The following CDH18 variants were observed in gnomAD, a reference collection of about 807,000 sequenced individuals.
CDH18 encodes cadherin-18.
CDH18 carries 31 observed loss-of-function variants against 67.9 expected under a neutral mutation model. That is an observed-to-expected ratio of 0.46 (90% CI 0.34 to 0.62). CDH18 has a LOEUF of 0.62. Ranked by LOEUF, CDH18 falls within the 20% of genes least tolerant of loss-of-function variation. The probability of loss-of-function intolerance (pLI) is 0.01; values close to 1 mark genes in which losing one functional copy is unlikely to be tolerated. For missense variants in CDH18, 890 were observed against 975.5 expected (o/e 0.91, Z 1.17); for synonymous variants, 362 against 347.2 (o/e 1.04, Z -0.48).
chr5:20,227,324 G>C (rs1741711849), intron 2 of CDH18, among the ~76,000 whole-genome samples: 1 of 152,052 alleles, frequency 6.6e-6, no homozygotes, highest in South Asian at 2.1e-4. Context: ...TTTTCCCAGA[G>C]AGCTTCCTGT....
intron 1 of CDH18, among the ~76,000 whole-genome samples, chr5:20,315,007 T>G (rs578091526): frequency 5.9e-4 from 89 of 152,124 alleles, no homozygotes; most frequent in Non-Finnish European, 1.1e-3. Context: ...TGTTTACTAA[T>G]TTGACAGTAG....
At chr5:20,211,645 C>T (rs750994440) in intron 2 of CDH18, among the ~76,000 whole-genome samples, 1 of 152,162 alleles carries the variant, frequency 6.6e-6, no homozygotes, top group Non-Finnish European at 1.5e-5. Context: ...TGGAGTGGAC[C>T]TCCAGCAAAC....
At position 19,930,495 on chromosome 5, in the gene CDH18, A is replaced by C. The variant is rs538872179; in HGVS notation, c.-257+50565T>G. 3.9e-5 allele frequency among the ~76,000 whole-genome samples: 6 copies of C among 152,222 alleles called. No individual in the cohort carries two copies. The South Asian group carries it at 1.2e-3, about 32-fold the overall frequency. On this transcript the variant is annotated intron_variant, in intron 2 of 12. Transcript: ENST00000382275. ...ATGGAAGTGTGAAAAACAACAGAGAAGGCTCTCCTATATTTTCCACAGTAG... is the reference window on the plus strand; with the variant it reads ...ATGGAAGTGTGAAAAACAACAGAGACGGCTCTCCTATATTTTCCACAGTAG...
chr5:19,973,769 T>A (rs1299419287), intron 2 of CDH18, among the ~76,000 whole-genome samples: 1 of 152,112 alleles, frequency 6.6e-6, no homozygotes, highest in South Asian at 2.1e-4. Flanking sequence ...AGTATAAAAC[T>A]GTCACTTAAT....
intron 1 of CDH18, among the ~76,000 whole-genome samples, chr5:20,282,686 C>T (rs4132019): frequency 0.46 from 69,601 of 151,752 alleles, 16,101 homozygotes; most frequent in African/African-American, 0.51. Flanking sequence ...TCTTTTTTTG[C>T]TGTGTCTCTG....
intron 3 of CDH18, among the ~76,000 whole-genome samples, chr5:19,752,367 G>T (rs1770962220): frequency 6.6e-6 from 1 of 152,034 alleles, no homozygotes; most frequent in African/African-American, 2.4e-5. Context: ...CCAGCCCTTT[G>T]GATTGTGTGG....
At chr5:20,457,911 G>T (rs1750957188) in intron 1 of CDH18, among the ~76,000 whole-genome samples, 1 of 152,036 alleles carries the variant, frequency 6.6e-6, no homozygotes, top group Non-Finnish European at 1.5e-5. Flanking sequence ...AGGAATATTT[G>T]GATACTGGTA....
chr5:19,616,598 G>C (rs114487486), intron 5 of CDH18, among the ~76,000 whole-genome samples: 2 of 152,058 alleles, frequency 1.3e-5, no homozygotes, highest in African/African-American at 4.8e-5. Flanking sequence ...CAATTATCCT[G>C]AAGTTTCCTC....
chr5:19,722,500 C>T (rs908417469), intron 4 of CDH18, among the ~76,000 whole-genome samples: 1 of 149,634 alleles, frequency 6.7e-6, no homozygotes, highest in Non-Finnish European at 1.5e-5. Flanking sequence ...ATTATTGAAT[C>T]TAGTATGATC....
At chr5:19,703,520 T>G (rs1438055121) in intron 5 of CDH18, among the ~76,000 whole-genome samples, 1 of 152,042 alleles carries the variant, frequency 6.6e-6, no homozygotes, top group Non-Finnish European at 1.5e-5. Flanking sequence ...ACCCCCTCAT[T>G]ATTTTGAAGA....
intron 2 of CDH18, among the ~76,000 whole-genome samples, chr5:19,905,286 C>G (rs954860617): frequency 2.6e-5 from 4 of 152,044 alleles, no homozygotes; most frequent in African/African-American, 9.7e-5. Context: ...GGTTTTGTAT[C>G]CTAACCACAT....
At chr5:20,022,996 A>G (rs1018775798) in intron 2 of CDH18, among the ~76,000 whole-genome samples, 1 of 152,140 alleles carries the variant, frequency 6.6e-6, no homozygotes, top group Non-Finnish European at 1.5e-5. Flanking sequence ...TCTTTTTCAC[A>G]ATCTACCTTA....
chr5:19,873,125 G>A (rs1786510273), intron 2 of CDH18, among the ~76,000 whole-genome samples: 1 of 151,954 alleles, frequency 6.6e-6, no homozygotes, highest in East Asian at 1.9e-4. Flanking sequence ...TAGGTACCAT[G>A]GTACCTTGTG....
intron 1 of CDH18, among the ~76,000 whole-genome samples, chr5:20,450,992 G>T (rs565384499): frequency 5.9e-5 from 9 of 152,096 alleles, no homozygotes; most frequent in Admixed American, 2.0e-4. Flanking sequence ...ACTATCATGA[G>T]AACAGCTTGG....
chr5:20,173,920 A>T (rs887633975), intron 2 of CDH18, among the ~76,000 whole-genome samples: 2 of 152,130 alleles, frequency 1.3e-5, no homozygotes, highest in East Asian at 3.9e-4. Flanking sequence ...TGAGAACATA[A>T]CTGAAATTGA....
intron 5 of CDH18, among the ~76,000 whole-genome samples, chr5:19,614,840 G>A (rs898607256): frequency 7.2e-5 from 11 of 151,936 alleles, no homozygotes; most frequent in East Asian, 5.8e-4. Context: ...GGATTGTCTC[G>A]GGATTAATTT....
chr5:19,903,994 C>A (rs2150120432), intron 2 of CDH18, among the ~76,000 whole-genome samples: 1 of 152,062 alleles, frequency 6.6e-6, no homozygotes, highest in African/African-American at 2.4e-5. Flanking sequence ...AGACATCAGG[C>A]CAGGCGCAGT....
chr5:20,133,956 A>G (rs1749485171), intron 2 of CDH18, among the ~76,000 whole-genome samples: 1 of 152,108 alleles, frequency 6.6e-6, no homozygotes, highest in Non-Finnish European at 1.5e-5. Flanking sequence ...ACAACTTTTG[A>G]TAATGCCCCA....
intron 1 of CDH18, among the ~76,000 whole-genome samples, chr5:20,519,290 A>T (rs1187668769): frequency 1.3e-5 from 2 of 152,230 alleles, no homozygotes; most frequent in Admixed American, 1.3e-4. Context: ...CTATGCAGCC[A>T]TAAAAAATGA....
Sources: gnomAD v4.1 joint callset for allele counts (sites outside exome capture counted in the v4.1 genomes callset) on GRCh38, gnomAD v4.1.1 for gene constraint, MANE v1.5 for transcripts, NCBI Gene and HGNC (gene_info 2026-07-23, HGNC 2026-07-21) for gene names.